USP42: variants seen among roughly 807,000 people sequenced by gnomAD.
USP42 encodes the protein ubiquitin specific peptidase 42, also known as ubiquitin carboxyl-terminal hydrolase 42.
A neutral mutation model predicts 113.0 loss-of-function variants in USP42; 23 were observed. That is an observed-to-expected ratio of 0.20 (90% CI 0.15 to 0.29). USP42 has a LOEUF of 0.29. Ranked by LOEUF, USP42 falls within the 10% of genes least tolerant of loss-of-function variation. The pLI is 1.00. For synonymous variants in USP42, 933 were observed against 699.0 expected (o/e 1.33, Z -5.28); for missense variants, 2,174 against 1,779.8 (o/e 1.22, Z -3.99).
chr7:6,117,503 A>G (rs1434761762), intron 3 of USP42, among the ~76,000 whole-genome samples: 1 of 152,200 alleles, frequency 6.6e-6, no homozygotes, highest in Non-Finnish European at 1.5e-5. Flanking sequence ...GCTGCTATGA[A>G]CATTAGCAAA....
chr7:6,086,693 CCCTTT>C, the USP42 span, among the ~76,000 whole-genome samples: 15 of 145,768 alleles, frequency 1.0e-4, no homozygotes, highest in African/African-American at 2.6e-4. Flanking sequence ...CTTCCCTTTC[CCCTTT>C]CCTTTCCTTT....
At chr7:6,133,455 ATCTTT>A (rs1195618042) in intron 3 of USP42, among the ~76,000 whole-genome samples, 3 of 152,096 alleles carry the variant, frequency 2.0e-5, no homozygotes, top group Non-Finnish European at 4.4e-5. Flanking sequence ...AAGTTCACTA[ATCTTT>A]TCTTCTGTGG....
intron 1 of USP42, among the ~76,000 whole-genome samples, chr7:6,106,927 A>G (rs1226176886): frequency 6.6e-6 from 1 of 152,212 alleles, no homozygotes; most frequent in Non-Finnish European, 1.5e-5. Flanking sequence ...GTTGCTTACA[A>G]GTTCTGATAT....
intron 2 of USP42, among the ~76,000 whole-genome samples, chr7:6,113,708 G>A (rs1229863575): frequency 1.3e-5 from 2 of 151,704 alleles, no homozygotes; most frequent in African/African-American, 2.4e-5. Flanking sequence ...TGCAACCTCC[G>A]CCTCCCGGGT....
At chr7:6,102,028 G>A (rs1790141996), upstream of USP42, among the ~76,000 whole-genome samples, 1 of 150,050 alleles carries the variant, frequency 6.7e-6, no homozygotes, top group Admixed American at 6.6e-5. Context: ...AGCCGAGACT[G>A]TTCTAGGAGA....
chr7:6,090,249 G>A, the USP42 span, among the ~76,000 whole-genome samples: 2 of 137,118 alleles, frequency 1.5e-5, no homozygotes, highest in African/African-American at 2.9e-5. Context: ...GCAGTGAACC[G>A]AGATCACGCC....
At chr7:6,125,591 CGTT>C (rs1186099733) in intron 3 of USP42, among the ~76,000 whole-genome samples, 1 of 152,120 alleles carries the variant, frequency 6.6e-6, no homozygotes, top group East Asian at 1.9e-4. Context: ...TGTTGTCATG[CGTT>C]GTTGTATTAT....
At chr7:6,122,933 C>A (rs1048342197) in intron 3 of USP42, among the ~76,000 whole-genome samples, 2 of 152,026 alleles carry the variant, frequency 1.3e-5, no homozygotes, top group African/African-American at 4.8e-5. Context: ...AAGTGATTCT[C>A]ATACCTCAGC....
At position 6,111,334 on chromosome 7, in the gene USP42, T is replaced by C. The variant is rs1055207446; in HGVS notation, c.201T>C (p.Ser67=). 1.2e-6 allele frequency: 2 copies of C among 1,611,012 alleles called. No individual in the cohort carries two copies. The highest frequency in any genetic ancestry group is 2.7e-5 in the African/African-American group (2 of 74,930). Residue 67 remains serine (S), a synonymous_variant, in exon 2 of 18, where the codon TCT becomes TCC. Transcript: ENST00000306177. ...VPGAVVYSSS[S]VPDKSKPSPQ... is the part of the protein sequence containing the mutation. ...GTGCTGTAGTTTATTCGAGTTCATC[T>C]GTACCTGATAAATCAAAACCATCAC...
chr7:6,160,064 G>T (rs1782685406), intron 17 of USP42, among the ~76,000 whole-genome samples: 1 of 152,250 alleles, frequency 6.6e-6, no homozygotes, highest in Non-Finnish European at 1.5e-5. Flanking sequence ...GCGGTCCTGG[G>T]AGAGTCACTG....
intron 1 of USP42, among the ~76,000 whole-genome samples, chr7:6,109,198 C>T (rs142197346): frequency 4.6e-5 from 7 of 151,766 alleles, no homozygotes; most frequent in South Asian, 2.1e-4. Flanking sequence ...GGAAAAGAGT[C>T]GGAGAAAAGA....
intron 3 of USP42, among the ~76,000 whole-genome samples, chr7:6,126,284 G>A (rs1020243947): frequency 6.8e-6 from 1 of 147,582 alleles, no homozygotes; most frequent in Non-Finnish European, 1.5e-5. Context: ...ATACGCCACA[G>A]TTTCTTTTTT....
chr7:6,106,982 G>A (rs894557235), intron 1 of USP42, among the ~76,000 whole-genome samples: 4 of 152,354 alleles, frequency 2.6e-5, no homozygotes, highest in African/African-American at 7.2e-5. Context: ...TGAGGAACAT[G>A]CAAGTATATG....
intron 12 of USP42, 105 bp downstream of exon 12, chr7:6,147,997 A>T: frequency 8.3e-7 from 1 of 1,207,740 alleles, no homozygotes; most frequent in Non-Finnish European, 1.2e-6. Flanking sequence ...AATACATCTG[A>T]ATTTCTTCTC....
the USP42 span, among the ~76,000 whole-genome samples, chr7:6,092,463 G>A: frequency 0.013 from 2,021 of 150,916 alleles, 40 homozygotes; most frequent in Middle Eastern, 0.061. Context: ...ACAGGCATGC[G>A]CCACCACGCC....
the USP42 span, among the ~76,000 whole-genome samples, chr7:6,082,603 G>GTTTTTTTTTTTTTTGTTTTT: frequency 1.1e-5 from 1 of 90,196 alleles, no homozygotes; most frequent in African/African-American, 5.2e-5. Context: ...CTTTCTTTCT[G>GTTTTTTTTTTTTTTGTTTTT]TTTTTTTTTT....
rs374270947 is a variant in USP42 at position 6,154,492 on chromosome 7, C to G, written c.2938C>G (p.Arg980Gly). Residue 980 changes from arginine to glycine, a missense_variant, in exon 15 of 18, where the codon CGG (arginine) becomes GGG (glycine). Coordinates refer to ENST00000306177, the MANE Select transcript of USP42 (RefSeq NM_032172.3). ...RSKTEGHRHR[R>G]RRTCPRERDR... The stretch of plus-strand genomic sequence containing the variant: ...CAAGACTGAGGGCCACCGTCACCGG[C>G]GGCGCCGCACCTGCCCCCGGGAGCG... 24 of 1,545,288 alleles carry G rather than the reference C, an allele frequency of 1.6e-5. 1 individual carries two copies. The South Asian group carries it at 2.9e-4, about 18-fold the overall frequency.
chr7:6,154,894 C>G lies in USP42; in HGVS notation c.3340C>G (p.Pro1114Ala), dbSNP rs1424790765. 1.9e-6 allele frequency: 3 copies of G among 1,541,570 alleles called. No individual in the cohort carries two copies. The highest frequency in any genetic ancestry group is 2.7e-5 in the African/African-American group (2 of 72,738). ...EPARERERHR[P>A]SSPRAGAPHA... ...GGCCCGGGAGAGGGAGCGGCACCGC[C>G]CCAGCAGCCCCCGCGCAGGCGCGCC... Residue 1114 changes from proline (P) to alanine (A), a missense_variant, in exon 15 of 18, where the codon CCC becomes GCC. By Grantham distance (27) the Pro-to-Ala change is conservative. Transcript: ENST00000306177.
At position 6,153,809 on chromosome 7, in the gene USP42, C is replaced by T. The variant is rs772710719; in HGVS notation, c.2255C>T (p.Pro752Leu). Reference protein sequence around the residue: ...PPEDRDAEPQPGSPAAESLEE... With the variant: ...PPEDRDAEPQLGSPAAESLEE... The stretch of plus-strand genomic sequence containing the variant: ...GAGGACCGCGACGCCGAGCCTCAGC[C>T]TGGCAGCCCCGCCGCCGAATCCCTG... Residue 752 changes from proline to leucine, a missense_variant, in exon 15 of 18, where the codon CCT becomes CTT. Transcript: ENST00000306177. The T allele has an allele frequency of 1.3e-6, 2 of 1,524,002 alleles. 1 individual carries two copies. The allele number at this position is 1,524,002 out of a possible 1,614,324, so 94.4% of individuals were successfully genotyped here. A position where few individuals can be genotyped will look rare whatever the true frequency, so the allele number is the denominator to read the frequency against.
Sources: allele counts gnomAD v4.1 joint callset (sites outside exome capture counted in the v4.1 genomes callset), GRCh38; gene constraint gnomAD v4.1.1; transcripts MANE v1.5; gene names NCBI Gene and HGNC (gene_info 2026-07-23, HGNC 2026-07-21).